Variants in ATG9B observed in about 807,000 individuals in gnomAD.
ATG9B encodes the protein autophagy-related protein 9B.
ATG9B carries 92 observed loss-of-function variants against 92.9 expected under a neutral mutation model. The ratio of observed to expected loss-of-function variants is 0.99; its 90% CI spans 0.84 to 1.18. The LOEUF is 1.18. Among genes scored for constraint, ATG9B ranks in the 50% most tolerant of loss-of-function variants. The probability of loss-of-function intolerance (pLI) is 0.00; values close to 1 mark genes in which losing one functional copy is unlikely to be tolerated. For synonymous variants in ATG9B, 599 were observed against 551.4 expected, an observed-to-expected ratio of 1.09 and a Z score of -1.21; for missense variants, 1,344 against 1,235.0, an observed-to-expected ratio of 1.09 and a Z score of -1.32.
Position 151,019,156 on chromosome 7 carries a change from G to A in ATG9B, c.1182C>T (p.Arg394=). The A allele has an allele frequency of 2.0e-6, 3 of 1,536,276 alleles. No homozygotes were observed. Among genetic ancestry groups the A allele is most frequent in the Non-Finnish European group, 2.6e-6 (3 of 1,146,638 alleles). Residue 394 remains arginine (R), a synonymous_variant, in exon 6 of 14, where the codon CGC becomes CGT. Coordinates refer to ENST00000639579, the MANE Select transcript of ATG9B (RefSeq NM_001317056.2). ...GCAGGTCGACATTGAGCGCCAGGCC[G>A]CGGCTGAGGAAAGCCGCACTGCCTC... The part of the protein sequence containing the change: ...PWGGSAAFLS[R]GLALNVDLLL...
In ATG9B at chr7:151,017,185, C is replaced by T. The variant is rs770226287; in HGVS notation, c.2140G>A (p.Ala714Thr). The change falls in exon 9 of 14, where the codon GCG becomes ACG. Residue 714 changes from alanine to threonine, a missense_variant. By Grantham distance (58) the Ala-to-Thr change is moderately conservative (BLOSUM62 0). Transcript: ENST00000639579. ...TELSLMRFSLAHPLWRPPGHS... is the reference protein window; with the variant it reads ...TELSLMRFSLTHPLWRPPGHS... ...CCTGGGGGGCGCCAGAGTGGATGCGCCAGGGAGAACCGCATCAAAGAAAGC... is the reference window on the plus strand; with the variant it reads ...CCTGGGGGGCGCCAGAGTGGATGCGTCAGGGAGAACCGCATCAAAGAAAGC... The T allele has an allele frequency of 1.4e-5, 23 of 1,613,002 alleles. No individual in the cohort carries two copies. The highest frequency in any genetic ancestry group is 1.9e-5 in the Non-Finnish European group (22 of 1,179,696).
At chr7:151,021,166 C>T in intron 5 of ATG9B, 22 bp downstream of exon 5, 1 of 1,612,778 alleles carries the variant, frequency 6.2e-7, no homozygotes. Context: ...ACCCTCTGCA[C>T]AGACACAGCC....
At chr7:151,014,267 G>A, downstream of ATG9B, 1 of 1,231,430 alleles carries the variant, frequency 8.1e-7, no homozygotes. Context: ...TTGAGGTGGT[G>A]CCTTCTCACA....
Position 151,024,112 on chromosome 7 carries a change from T to G in ATG9B, c.312A>C (p.Ala104=). The G allele has an allele frequency of 6.2e-7, 1 of 1,603,516 alleles. No individual in the cohort carries two copies. The highest frequency in any genetic ancestry group is 8.5e-7 in the Non-Finnish European group (1 of 1,174,960). The change falls in exon 1 of 14, where the codon GCA becomes GCC. Residue 104 remains alanine, a synonymous_variant. Coordinates refer to ENST00000639579, the MANE Select transcript of ATG9B (RefSeq NM_001317056.2). Reference sequence around the variant, plus strand: ...AGGGAGATGCAGAGGCAGGTGTCATTGCAGGTTGAGCCTGTGTTGGGGGGG... The same window carrying G: ...AGGGAGATGCAGAGGCAGGTGTCATGGCAGGTTGAGCCTGTGTTGGGGGGG... ...PATPPTQAQP[A]MTPASASPSW...
chr7:151,016,077 G>C (rs1795467921), intron 12 of ATG9B, 32 bp downstream of exon 12: 4 of 1,544,904 alleles, frequency 2.6e-6, no homozygotes, highest in African/African-American at 1.4e-5. Flanking sequence ...TGTCCACCAG[G>C]CTCTGTCCCC....
Position 151,019,219 on chromosome 7 carries a change from G to A in ATG9B, c.1119C>T (p.Asn373=). ...GGCAGCGGGCCGGCAGCAGGCCTTTGTTGGCCAGCGCCACCTGGTAGTTGG... is the reference window on the plus strand; with the variant it reads ...GGCAGCGGGCCGGCAGCAGGCCTTTATTGGCCAGCGCCACCTGGTAGTTGG... ...RYTNYQVALA[N]KGLLPARCPL... is the part of the protein sequence containing the mutation. The change falls in exon 6 of 14, where the codon AAC becomes AAT. Residue 373 remains asparagine (N), a synonymous_variant. Coordinates refer to ENST00000639579, the MANE Select transcript of ATG9B (RefSeq NM_001317056.2). The A allele has an allele frequency of 6.5e-7, 1 of 1,544,432 alleles. No homozygotes were observed. The highest frequency in any genetic ancestry group is 8.7e-7 in the Non-Finnish European group (1 of 1,150,300).
chr7:151,014,825 T>G (rs1354947399), downstream of ATG9B: 1 of 152,134 alleles, frequency 6.6e-6, no homozygotes, highest in Non-Finnish European at 1.5e-5. Context: ...GCCAGGCTGG[T>G]CTTGAACTCC....
Position 151,017,989 on chromosome 7 carries a change from A to C in ATG9B, c.1934T>G (p.Phe645Cys), listed in dbSNP as rs1795573644. The change falls in exon 8 of 14, where the codon TTC (phenylalanine) becomes TGC (cysteine). Residue 645 changes from phenylalanine (F) to cysteine (C), a missense_variant. Coordinates refer to ENST00000639579, the MANE Select transcript of ATG9B (RefSeq NM_001317056.2). Reference sequence around the variant, plus strand: ...GATAATCTCCAGGGCACGAGGGCGGAACCAGAAAAGCAGAAACAGCGGGGT... The same window carrying C: ...GATAATCTCCAGGGCACGAGGGCGGCACCAGAAAAGCAGAAACAGCGGGGT... ...LLTPLFLLFW[F>C]RPRALEIIDF... 6.2e-7 allele frequency: 1 copy of C among 1,605,286 alleles called. No individual in the cohort carries two copies. The highest frequency in any genetic ancestry group is 8.5e-7 in the Non-Finnish European group (1 of 1,175,690).
At position 151,018,816 on chromosome 7, in the gene ATG9B, G is replaced by C; in HGVS notation, c.1522C>G (p.Arg508Gly). 7.7e-7 allele frequency: 1 copy of C among 1,290,460 alleles called. No homozygotes were observed. 79.9% of individuals were successfully genotyped at this position (1,290,460 alleles called of 1,614,324 possible). ...GTGCGCAGGAAGGCGGCGGCGGGGC[G>C]GTAGGCGCGGGCCAGGCGCGCGCGC... ...ELRARLARAY[R>G]PAAAFLRTAA... Residue 508 changes from arginine (R) to glycine (G), a missense_variant, in exon 6 of 14, where the codon CGC becomes GGC. Coordinates refer to ENST00000639579, the MANE Select transcript of ATG9B (RefSeq NM_001317056.2). This position sits in a 1 kb window ranked among gnomAD's most constrained non-coding sequence, Gnocchi z 4.7.
downstream of ATG9B, chr7:151,012,598 C>T: frequency 8.3e-7 from 1 of 1,205,182 alleles, no homozygotes; most frequent in African/African-American, 1.5e-5. Context: ...TGAAAAGACG[C>T]TCATGAGACC....
At position 151,024,001 on chromosome 7, in the gene ATG9B, C is replaced by CCGCA. The variant is rs1402881701; in HGVS notation, c.419_422dup (p.Val142AlafsTer8). 15 of 1,593,882 alleles carry CCGCA rather than the reference C, an allele frequency of 9.4e-6. No homozygotes were observed. In the Admixed American group the frequency reaches 1.6e-4, roughly 17 times the overall value. On this transcript the variant is annotated frameshift_variant, in exon 1 of 14. Coordinates refer to ENST00000639579, the MANE Select transcript of ATG9B (RefSeq NM_001317056.2). LOFTEE classifies it high-confidence loss of function. The stretch of plus-strand genomic sequence containing the variant: ...CCTGTTCAGGGATCAAAGGGCCTAC[C>CCGCA]CGCAGCCCAGGAGAGTCCTGGGGGC...
chr7:151,016,273 A>G (rs1278187564), intron 11 of ATG9B, 38 bp from the exon 12 acceptor site: 1 of 1,476,578 alleles, frequency 6.8e-7, no homozygotes, highest in South Asian at 1.4e-5. Flanking sequence ...CTGCACCCCA[A>G]GGAGGGCAGG....
rs146848079 is a variant in ATG9B at position 151,023,412 on chromosome 7, G to T, written c.659+33C>A. 857 of 1,611,040 alleles carry T rather than the reference G, an allele frequency of 5.3e-4. 4 individuals carry two copies. In the African/African-American group the frequency reaches 0.01, roughly 19 times the overall value. ...ACAGAAGGAAGCCATGGGCCCAGGG[G>T]ACCGAGTTCCGGGCCCGGGCTAAGC... On this transcript the variant is annotated intron_variant, in intron 3 of 13. Coordinates refer to ENST00000639579, the MANE Select transcript of ATG9B (RefSeq NM_001317056.2).
At position 151,023,890 on chromosome 7, in the gene ATG9B, G is replaced by T. The variant is rs570694941; in HGVS notation, c.534C>A (p.Val178=). The T allele has an allele frequency of 1.2e-6, 2 of 1,609,954 alleles. No individual in the cohort carries two copies. Among genetic ancestry groups the T allele is most frequent in the Admixed American group, 1.7e-5 (1 of 59,604 alleles). The change falls in exon 1 of 14, where the codon GTC becomes GTA. Residue 178 remains valine (V), a synonymous_variant. Coordinates refer to ENST00000639579, the MANE Select transcript of ATG9B (RefSeq NM_001317056.2). The part of the protein sequence containing the change: ...HGEEQQPLLH[V]PEGLRGSWHH... The stretch of plus-strand genomic sequence containing the variant: ...CACACATACCTCGGAGCCCTTCAGG[G>T]ACATGAAGCAGGGGTTGCTGCTCCT...
downstream of ATG9B, chr7:151,013,419 GGA>G (rs748308136): frequency 3.8e-6 from 6 of 1,582,756 alleles, no homozygotes; most frequent in African/African-American, 2.7e-5. Flanking sequence ...CTGAAGATAG[GGA>G]GAGAGGGGAG....
rs375084617 is a variant in ATG9B at position 151,016,752 on chromosome 7, G to A, written c.2359C>T (p.Pro787Ser). Residue 787 changes from proline to serine, a missense_variant, in exon 10 of 14, where the codon CCC becomes TCC. Transcript: ENST00000639579. ...CTGGCTGTGGCCGCAGCTGGACAGG[G>A]GGCTGTCGGGCTCAGATCTCTCGGA... ...LPPRDLSPTAPCPAAATASLL... is the reference protein window; with the variant it reads ...LPPRDLSPTASCPAAATASLL... 5 of 1,612,958 alleles carry A rather than the reference G, an allele frequency of 3.1e-6. No homozygotes were observed. The highest frequency in any genetic ancestry group is 1.1e-5 in the South Asian group (1 of 90,854).
Position 151,015,889 on chromosome 7 carries a change from A to G in ATG9B, c.*7T>C, listed in dbSNP as rs1168977769. 25 of 1,550,978 alleles carry G rather than the reference A, an allele frequency of 1.6e-5. No individual in the cohort carries two copies. The East Asian group carries it at 6.1e-4, about 38-fold the overall frequency. ...ACAGGAGGCAATACTGACCCTGAGG[A>G]GTCGTCTCAGTCAGTGCAAGAGGCC... On this transcript the variant is annotated 3_prime_UTR_variant, in exon 13 of 14. Transcript: ENST00000639579.
At position 151,018,111 on chromosome 7, in the gene ATG9B, A is replaced by C; in HGVS notation, c.1873-61T>G. The C allele has an allele frequency of 6.6e-7, 1 of 1,509,516 alleles. No individual in the cohort carries two copies. 93.5% of individuals were successfully genotyped at this position (1,509,516 alleles called of 1,614,324 possible). On this transcript the variant is annotated intron_variant, in intron 7 of 13. Transcript: ENST00000639579. The surrounding 1 kb of genome is among the most constrained non-coding windows in gnomAD (Gnocchi z 4.7). ...TGAGGGGCCCACGCGCGTTATCAGG[A>C]CCAAGCAGTCCCCAGCGACCCTCGC...
Position 151,016,838 on chromosome 7 carries a change from A to C in ATG9B, c.2290-17T>G. 6.3e-7 allele frequency: 1 copy of C among 1,592,750 alleles called. No individual in the cohort carries two copies. The highest frequency in any genetic ancestry group is 8.5e-7 in the Non-Finnish European group (1 of 1,170,522). On this transcript the variant is annotated splice_polypyrimidine_tract_variant and intron_variant, in intron 9 of 13. Coordinates refer to ENST00000639579, the MANE Select transcript of ATG9B (RefSeq NM_001317056.2). ...GGCCTCAGGCTGGGTGCAAGAGGAGAGGGAAAGCCAAAGAGGGAGTCAGAA... is the reference window on the plus strand; with the variant it reads ...GGCCTCAGGCTGGGTGCAAGAGGAGCGGGAAAGCCAAAGAGGGAGTCAGAA...
Sources: allele counts gnomAD v4.1 joint callset, GRCh38; gene constraint gnomAD v4.1.1; non-coding constraint Gnocchi (gnomAD v3.1); transcripts MANE v1.5; gene names NCBI Gene and HGNC (gene_info 2026-07-23, HGNC 2026-07-21).